The following SRGAP1 variants were observed in gnomAD, a reference collection of about 807,000 sequenced individuals.
The protein encoded by SRGAP1 is SLIT-ROBO Rho GTPase-activating protein 1.
In SRGAP1, 43 loss-of-function variants were observed where a neutral mutation model predicts 121.9. That is an observed-to-expected ratio of 0.35 (90% CI 0.28 to 0.46). The LOEUF is 0.46. Ranked by LOEUF, SRGAP1 falls within the 20% of genes least tolerant of loss-of-function variation. The pLI is 1.00. For missense variants in SRGAP1, 1,102 were observed against 1,350.9 expected, an observed-to-expected ratio of 0.82 and a Z score of 2.89; for synonymous variants, 447 against 485.4, an observed-to-expected ratio of 0.92 and a Z score of 1.04.
In SRGAP1 at chr12:63,974,534, AT is replaced by A. The variant is rs530556226; in HGVS notation, c.68-9406del. On this transcript the variant is annotated intron_variant, in intron 1 of 21. Transcript: ENST00000355086. ...CCTTATTTTCTTTTAATTTTTATTT[AT>A]TTTTTTCTTCTGGTCTTACTTTAAT... 4.6e-5 allele frequency among the ~76,000 whole-genome samples: 7 copies of A among 151,934 alleles called. No homozygotes were observed. In the South Asian group the frequency reaches 1.2e-3, roughly 27 times the overall value.
chr12:63,901,188 C>G (rs1430900042), intron 1 of SRGAP1, among the ~76,000 whole-genome samples: 1 of 152,138 alleles, frequency 6.6e-6, no homozygotes, highest in Non-Finnish European at 1.5e-5. Flanking sequence ...AGTTGCTCTT[C>G]AAAAGCAGTA....
At chr12:63,937,232 CTAGAGT>C (rs1445297976) in intron 1 of SRGAP1, among the ~76,000 whole-genome samples, 2 of 152,100 alleles carry the variant, frequency 1.3e-5, no homozygotes, top group Non-Finnish European at 2.9e-5. Context: ...GAATTCCAGG[CTAGAGT>C]TAATTTCTCA....
At chr12:63,951,152 CTTTTTTTTTT>C (rs58637983) in intron 1 of SRGAP1, among the ~76,000 whole-genome samples, 39 of 44,182 alleles carry the variant, frequency 8.8e-4, no homozygotes, top group South Asian at 5.9e-3. Flanking sequence ...ATTTAGAACT[CTTTTTTTTTT>C]TTTTTTTTTT....
chr12:63,903,174 A>G (rs950277537), intron 1 of SRGAP1, among the ~76,000 whole-genome samples: 3 of 151,904 alleles, frequency 2.0e-5, no homozygotes, highest in African/African-American at 4.8e-5. Context: ...ATCCACATGC[A>G]CTCATACTCA....
At chr12:64,030,009 G>C (rs1464713359) in intron 4 of SRGAP1, among the ~76,000 whole-genome samples, 3 of 152,126 alleles carry the variant, frequency 2.0e-5, no homozygotes, top group Non-Finnish European at 2.9e-5. Context: ...CCACTACAAT[G>C]AGTACTTGAG....
intron 6 of SRGAP1, among the ~76,000 whole-genome samples, chr12:64,050,361 C>A (rs985906653): frequency 6.6e-6 from 1 of 152,110 alleles, no homozygotes; most frequent in African/African-American, 2.4e-5. Context: ...TACGTTATTT[C>A]TTTCTCTTCT....
chr12:64,114,128 C>G (rs1307528614), intron 17 of SRGAP1, among the ~76,000 whole-genome samples: 5 of 151,944 alleles, frequency 3.3e-5, no homozygotes, highest in African/African-American at 1.2e-4. Flanking sequence ...TGAAACATAC[C>G]TAGATTCCAG....
At chr12:63,928,337 G>A (rs1209468820) in intron 1 of SRGAP1, among the ~76,000 whole-genome samples, 2 of 152,144 alleles carry the variant, frequency 1.3e-5, no homozygotes, top group African/African-American at 4.8e-5. Flanking sequence ...TTAACCAAGA[G>A]AAATGAAAAC....
At chr12:64,068,077 G>A (rs367679862) in intron 8 of SRGAP1, among the ~76,000 whole-genome samples, 11 of 151,992 alleles carry the variant, frequency 7.2e-5, no homozygotes, top group Admixed American at 3.9e-4. Flanking sequence ...TCAAGAGTTC[G>A]AGACCAGCCT....
At chr12:63,933,476 G>C (rs532404334) in intron 1 of SRGAP1, among the ~76,000 whole-genome samples, 3 of 152,202 alleles carry the variant, frequency 2.0e-5, no homozygotes, top group African/African-American at 7.2e-5. Context: ...TATGAACCCA[G>C]ATCCCTAGCT....
intron 4 of SRGAP1, chr12:64,032,732 T>C (rs2034808947): frequency 3.9e-6 from 1 of 259,470 alleles, no homozygotes; most frequent in South Asian, 1.0e-4. Context: ...TTATTATTGA[T>C]CTTGAGCACA....
intron 1 of SRGAP1, among the ~76,000 whole-genome samples, chr12:63,973,644 A>G (rs1176412532): frequency 6.6e-6 from 1 of 152,232 alleles, no homozygotes; most frequent in Non-Finnish European, 1.5e-5. Flanking sequence ...ACATTTTAAA[A>G]TTGGAATTAT....
At chr12:63,864,870 G>T (rs1490031300) in intron 1 of SRGAP1, among the ~76,000 whole-genome samples, 3 of 151,666 alleles carry the variant, frequency 2.0e-5, no homozygotes, top group African/African-American at 7.3e-5. Flanking sequence ...TGTTAGCCTG[G>T]GAAAATAAAA....
chr12:64,062,918 G>A lies in SRGAP1; in HGVS notation c.803G>A (p.Cys268Tyr). Reference protein sequence around the residue: ...YIHDLSDLIDCCDLGYHASLN... With the variant: ...YIHDLSDLIDYCDLGYHASLN... Reference sequence around the variant, plus strand: ...TGTGGTGTTCTTTTACTTTTTAAGTGCTGTGATCTTGGCTACCATGCAAGT... The same window carrying A: ...TGTGGTGTTCTTTTACTTTTTAAGTACTGTGATCTTGGCTACCATGCAAGT... The change falls in exon 7 of 22, where the codon TGC (cysteine) becomes TAC (tyrosine). Residue 268 changes from cysteine to tyrosine, a missense_variant and splice_region_variant. Around this residue, in one of 3 missense-constraint regions of SRGAP1, gnomAD observed 747 missense variants for 929.4 expected, o/e 0.80. Coordinates refer to ENST00000355086, the MANE Select transcript of SRGAP1 (RefSeq NM_020762.4). 9.3e-6 allele frequency: 15 copies of A among 1,607,136 alleles called. No individual in the cohort carries two copies. Among genetic ancestry groups the A allele is most frequent in the Non-Finnish European group, 1.3e-5 (15 of 1,176,568 alleles).
intron 3 of SRGAP1, among the ~76,000 whole-genome samples, chr12:63,991,961 C>A (rs768008032): frequency 7.0e-4 from 106 of 152,274 alleles, no homozygotes; most frequent in Non-Finnish European, 2.8e-4. Flanking sequence ...GGCTGGAGAT[C>A]TTAACTCTAC....
At position 64,012,551 on chromosome 12, in the gene SRGAP1, C is replaced by CTTTTTT. The variant is rs386376760; in HGVS notation, c.427-4379_427-4374dup. Among the ~76,000 whole-genome samples, 331 of 77,682 alleles carry CTTTTTT rather than the reference C, an allele frequency of 4.3e-3. 24 individuals carry two copies. The highest frequency in any genetic ancestry group is 0.014 in the Middle Eastern group (1 of 70). 51.0% of individuals were successfully genotyped at this position (77,682 alleles called of 152,430 possible). The stretch of plus-strand genomic sequence containing the variant: ...GCTTTCAAATATTTTAAGTTATTAT[C>CTTTTTT]TTTTTTTTTTTTTTTTTTTTTTTTT... On this transcript the variant is annotated intron_variant, in intron 3 of 21. Coordinates refer to ENST00000355086, the MANE Select transcript of SRGAP1 (RefSeq NM_020762.4).
At chr12:64,034,966 G>A (rs1036201119) in intron 4 of SRGAP1, among the ~76,000 whole-genome samples, 3 of 151,532 alleles carry the variant, frequency 2.0e-5, no homozygotes, top group Admixed American at 6.6e-5. Flanking sequence ...GTTTGTGAAA[G>A]TTTATCATTG....
At chr12:64,114,125 T>C (rs914167557) in intron 17 of SRGAP1, among the ~76,000 whole-genome samples, 2 of 152,248 alleles carry the variant, frequency 1.3e-5, no homozygotes. Flanking sequence ...GAATGAAACA[T>C]ACCTAGATTC....
At chr12:64,056,476 C>G (rs2035343173) in intron 6 of SRGAP1, among the ~76,000 whole-genome samples, 2 of 150,154 alleles carry the variant, frequency 1.3e-5, no homozygotes, top group Admixed American at 1.3e-4. Context: ...TCACTTGAAT[C>G]CAGGAGGTGG....
Sources: gnomAD v4.1 joint callset for allele counts (sites outside exome capture counted in the v4.1 genomes callset) on GRCh38, gnomAD v4.1.1 for gene constraint, gnomAD v4.1.1 regional missense constraint, MANE v1.5 for transcripts, NCBI Gene and HGNC (gene_info 2026-07-23, HGNC 2026-07-21) for gene names.